Variants in YWHAQ observed in about 807,000 individuals in gnomAD.
YWHAQ encodes the protein tyrosine 3-monooxygenase/tryptophan 5-monooxygenase activation protein theta.
Under a neutral mutation model 28.3 loss-of-function variants are expected in YWHAQ, and 6 were observed. That is an observed-to-expected ratio of 0.21 (90% CI 0.12 to 0.42). YWHAQ has a LOEUF of 0.42. Among genes scored for constraint, YWHAQ ranks in the 10% least tolerant of loss-of-function variants. The pLI is 1.00. For synonymous variants in YWHAQ, 143 were observed against 119.1 expected (o/e 1.20, Z -1.31); for missense variants, 201 against 305.6 (o/e 0.66, Z 2.55).
At chr2:9,597,983 C>CTTTTTTT (rs1558543507) in intron 2 of YWHAQ, among the ~76,000 whole-genome samples, 3 of 79,080 alleles carry the variant, frequency 3.8e-5, no homozygotes, top group African/African-American at 2.5e-4. Flanking sequence ...CCATGCCGGG[C>CTTTTTTT]TATTTTTTTT....
intron 2 of YWHAQ, among the ~76,000 whole-genome samples, chr2:9,623,266 G>A (rs575044561): frequency 2.6e-5 from 4 of 152,218 alleles, no homozygotes; most frequent in Non-Finnish European, 4.4e-5. Context: ...GCTGGAAAGG[G>A]TTAGGGGAAA....
At chr2:9,628,444 A>G (rs1667290180) in intron 2 of YWHAQ, among the ~76,000 whole-genome samples, 1 of 152,232 alleles carries the variant, frequency 6.6e-6, no homozygotes, top group South Asian at 2.1e-4. Context: ...TATAAGAGCC[A>G]CAAAATAAAA....
chr2:9,622,742 G>A (rs1011682453), intron 2 of YWHAQ, among the ~76,000 whole-genome samples: 1 of 151,998 alleles, frequency 6.6e-6, no homozygotes, highest in Non-Finnish European at 1.5e-5. Flanking sequence ...TGAAGTCCTA[G>A]GTATTATCAT....
chr2:9,595,019 A>G (rs1488866952), intron 2 of YWHAQ, among the ~76,000 whole-genome samples: 1 of 152,216 alleles, frequency 6.6e-6, no homozygotes, highest in South Asian at 2.1e-4. Flanking sequence ...TAGTTTGCAT[A>G]TAACCATTAC....
intron 2 of YWHAQ, among the ~76,000 whole-genome samples, chr2:9,592,076 C>T (rs1572987458): frequency 6.6e-6 from 1 of 152,136 alleles, no homozygotes; most frequent in South Asian, 2.1e-4. Flanking sequence ...CAGGGATGTG[C>T]ACTCATTTTA....
Position 9,588,102 on chromosome 2 carries a change from T to C in YWHAQ, c.582+63A>G, listed in dbSNP as rs557983507. On this transcript the variant is annotated intron_variant, in intron 4 of 5. Transcript: ENST00000238081. ...GTATCCAAGTAAAATACCTATAAAT[T>C]AACATACCTGGTATCTCAAATAACT... 4 of 1,469,250 alleles carry C rather than the reference T, an allele frequency of 2.7e-6. No individual in the cohort carries two copies. In the African/African-American group the frequency reaches 5.8e-5, roughly 21 times the overall value. 91.0% of individuals were successfully genotyped at this position (1,469,250 alleles called of 1,614,324 possible). A position where few individuals can be genotyped will look rare whatever the true frequency, so the allele number is the denominator to read the frequency against.
In YWHAQ at chr2:9,627,083, T is replaced by G. The variant is rs76532051; in HGVS notation, c.294+3076A>C. Among the ~76,000 whole-genome samples the G allele has an allele frequency of 8.3e-4, 127 of 152,354 alleles. No individual in the cohort carries two copies. The East Asian group carries it at 0.021, about 25-fold the overall frequency. On this transcript the variant is annotated intron_variant, in intron 2 of 5. Transcript: ENST00000238081. ...TTAGAGAGTTTGGTTCACTTATAGT[T>G]CTTTACTCTTGGATTTTAACATTTT...
rs116576320 is a variant in YWHAQ, at chr2:9,614,338, C to T, written c.294+15821G>A. 5.3e-5 allele frequency among the ~76,000 whole-genome samples: 8 copies of T among 152,324 alleles called. No individual in the cohort carries two copies. The East Asian group carries it at 1.2e-3, about 22-fold the overall frequency. On this transcript the variant is annotated intron_variant, in intron 2 of 5. Transcript: ENST00000238081. Reference sequence around the variant, plus strand: ...AGGCAAATAAACGCCAAAGTCTATACACACTTTCTTCCCCTTAGAGAATTT... The same window carrying T: ...AGGCAAATAAACGCCAAAGTCTATATACACTTTCTTCCCCTTAGAGAATTT...
chr2:9,630,733 G>A lies in YWHAQ; in HGVS notation c.-82-199C>T, dbSNP rs557068954. 21 of 161,584 alleles carry A rather than the reference G, an allele frequency of 1.3e-4. No homozygotes were observed. The South Asian group carries it at 3.7e-3, about 28-fold the overall frequency. 10.0% of individuals were successfully genotyped at this position (161,584 alleles called of 1,614,324 possible). A position where few individuals can be genotyped will look rare whatever the true frequency, so the allele number is the denominator to read the frequency against. On this transcript the variant is annotated intron_variant, in intron 1 of 5. Transcript: ENST00000238081. The surrounding 1 kb of genome is among the most constrained non-coding windows in gnomAD (Gnocchi z 5.6). ...GGCGGGGGCGGCGCGGAGGCCCCGC[G>A]CGCAGGGAGCCCGAGCCGCGGCCGC...
intron 2 of YWHAQ, among the ~76,000 whole-genome samples, chr2:9,613,994 G>C (rs1297326938): frequency 6.6e-6 from 1 of 152,190 alleles, no homozygotes; most frequent in Non-Finnish European, 1.5e-5. Context: ...GAAAATCAGA[G>C]TGTTTGTTCC....
At chr2:9,623,022 C>CT (rs560279842) in intron 2 of YWHAQ, among the ~76,000 whole-genome samples, 195 of 152,318 alleles carry the variant, frequency 1.3e-3, no homozygotes, top group Non-Finnish European at 2.3e-3. Context: ...AAATAGAGAA[C>CT]ATTACCATAG....
chr2:9,615,409 A>AAG lies in YWHAQ; in HGVS notation c.294+14749_294+14750insCT, dbSNP rs200014186. 1.0e-3 allele frequency: 135 copies of AAG among 130,420 alleles called. 3 individuals carry two copies. Among genetic ancestry groups the AAG allele is most frequent in the African/African-American group, 4.8e-3 (127 of 26,512 alleles). 8.1% of individuals were successfully genotyped at this position (130,420 alleles called of 1,614,324 possible). A position where few individuals can be genotyped will look rare whatever the true frequency, so the allele number is the denominator to read the frequency against. On this transcript the variant is annotated intron_variant, in intron 2 of 5. Coordinates refer to ENST00000238081, the MANE Select transcript of YWHAQ (RefSeq NM_006826.4). ...TTTCAATTCAGAAAATAATAAAAAG[A>AAG]AAAAAAAAAAAAGAACTAGAGCAAA... is the stretch of plus-strand genomic sequence containing the variant.
At position 9,630,185 on chromosome 2, in the gene YWHAQ, G is replaced by A; in HGVS notation, c.268C>T (p.Leu90=). 1.9e-6 allele frequency: 3 copies of A among 1,613,800 alleles called. No homozygotes were observed. The highest frequency in any genetic ancestry group is 2.5e-6 in the Non-Finnish European group (3 of 1,180,020). The change falls in exon 2 of 6, where the codon CTG becomes TTG. Residue 90 remains leucine (L), a synonymous_variant. Transcript: ENST00000238081. The surrounding 1 kb of genome is among the most constrained non-coding windows in gnomAD (Gnocchi z 5.6). ...AGCACCGTGGTGCAGATGGATCTCA[G>A]CTCGGACTCCACTTTCTCCCGATAG... ...KDYREKVESE[L]RSICTTVLEL...
At chr2:9,614,019 T>C (rs983586012) in intron 2 of YWHAQ, among the ~76,000 whole-genome samples, 9 of 152,204 alleles carry the variant, frequency 5.9e-5, no homozygotes, top group Non-Finnish European at 8.8e-5. Flanking sequence ...CTTCATCCAA[T>C]GCAGCCTAAC....
At chr2:9,619,426 C>T (rs1020196934) in intron 2 of YWHAQ, among the ~76,000 whole-genome samples, 3 of 151,420 alleles carry the variant, frequency 2.0e-5, no homozygotes, top group Non-Finnish European at 2.9e-5. Flanking sequence ...ACAGTAATAC[C>T]AAAAAAAGGT....
At chr2:9,591,035 T>TAA (rs1469327541) in intron 3 of YWHAQ, among the ~76,000 whole-genome samples, 2 of 152,240 alleles carry the variant, frequency 1.3e-5, no homozygotes, top group Non-Finnish European at 1.5e-5. Flanking sequence ...TTTTAAGGCA[T>TAA]AATAGAAAGG....
At chr2:9,625,561 C>T (rs1381984766) in intron 2 of YWHAQ, among the ~76,000 whole-genome samples, 1 of 152,184 alleles carries the variant, frequency 6.6e-6, no homozygotes, top group Non-Finnish European at 1.5e-5. Flanking sequence ...TAAGCAGTTA[C>T]ACCACTTGGG....
At position 9,630,034 on chromosome 2, in the gene YWHAQ, TA is replaced by T; in HGVS notation, c.294+124del. On this transcript the variant is annotated intron_variant, in intron 2 of 5. Coordinates refer to ENST00000238081, the MANE Select transcript of YWHAQ (RefSeq NM_006826.4). The surrounding 1 kb of genome is among the most constrained non-coding windows in gnomAD (Gnocchi z 5.6). ...CACAGTAGGGAAGTCAGGGCTCACC[TA>T]AAACCCTCCACCCCAGCAGACAGTC... 5 of 1,317,872 alleles carry T rather than the reference TA, an allele frequency of 3.8e-6. No individual in the cohort carries two copies. The highest frequency in any genetic ancestry group is 5.2e-6 in the Non-Finnish European group (5 of 963,968). The allele number at this position is 1,317,872 out of a possible 1,614,324, so 81.6% of individuals were successfully genotyped here.
chr2:9,604,429 G>A (rs377349777), intron 2 of YWHAQ, among the ~76,000 whole-genome samples: 4 of 152,272 alleles, frequency 2.6e-5, no homozygotes, highest in East Asian at 1.9e-4. Context: ...TGACTCAGTG[G>A]AATAAGCACT....
Sources: allele counts gnomAD v4.1 joint callset (sites outside exome capture counted in the v4.1 genomes callset), GRCh38; gene constraint gnomAD v4.1.1; non-coding constraint Gnocchi (gnomAD v3.1); transcripts MANE v1.5; gene names NCBI Gene and HGNC (gene_info 2026-07-23, HGNC 2026-07-21).